MBP: variants seen among roughly 807,000 people sequenced by gnomAD.
MBP encodes Golli-MBP.
Under a neutral mutation model 35.8 loss-of-function variants are expected in MBP, and 16 were observed. That is an observed-to-expected ratio of 0.45 (90% CI 0.30 to 0.68). The LOEUF (loss-of-function observed/expected upper bound fraction) is 0.68. MBP is among the 30% of genes least tolerant of loss of function. The probability of loss-of-function intolerance (pLI) is 0.08; values close to 1 mark genes in which losing one functional copy is unlikely to be tolerated. For missense variants in MBP, 380 were observed against 404.7 expected (o/e 0.94, Z 0.52); for synonymous variants, 143 against 159.6 (o/e 0.90, Z 0.78).
intron 3 of MBP, among the ~76,000 whole-genome samples, chr18:77,041,765 CTGGGACCTGTTG>C (rs1973006162): frequency 8.5e-6 from 1 of 118,042 alleles, no homozygotes; most frequent in Admixed American, 1.3e-4. Flanking sequence ...ACATCACACA[CTGGGACCTGTTG>C]TGGGGTGGGG....
intron 2 of MBP, among the ~76,000 whole-genome samples, chr18:77,082,843 TG>T (rs1975021133): frequency 6.6e-6 from 1 of 152,252 alleles, no homozygotes; most frequent in East Asian, 1.9e-4. Flanking sequence ...CTGTCATAGG[TG>T]GTCTAGGGAA....
At chr18:76,990,940 G>T in intron 4 of MBP, 1 of 281,766 alleles carries the variant, frequency 3.5e-6, no homozygotes, top group Non-Finnish European at 7.3e-6. Flanking sequence ...CAAATAGAGG[G>T]GAAGTGACGG....
chr18:77,015,740 T>C lies in MBP; in HGVS notation c.576+1092A>G, dbSNP rs867433691. The stretch of plus-strand genomic sequence containing the variant: ...CAACAATTTCATGATCAATAAAGAA[T>C]TGCAGTTGGAGACTAAAGCAAATTC... On this transcript the variant is annotated intron_variant, in intron 4 of 8. Coordinates refer to ENST00000355994, the MANE Select transcript of MBP (RefSeq NM_001025101.2). The C allele has an allele frequency of 6.3e-5, 62 of 985,320 alleles. 1 individual carries two copies. Among genetic ancestry groups the C allele is most frequent in the Middle Eastern group, 5.2e-4 (1 of 1,936 alleles). The allele number at this position is 985,320 out of a possible 1,614,324, so 61.0% of individuals were successfully genotyped here. A position where few individuals can be genotyped will look rare whatever the true frequency, so the allele number is the denominator to read the frequency against.
intron 1 of MBP, among the ~76,000 whole-genome samples, chr18:77,123,290 G>A (rs1976945310): frequency 6.6e-6 from 1 of 152,138 alleles, no homozygotes; most frequent in South Asian, 2.1e-4. Context: ...GAAGACTCAC[G>A]CAGGACATAA....
rs547648271 is a variant in MBP at position 77,007,807 on chromosome 18, C to T, written c.576+9025G>A. Among the ~76,000 whole-genome samples the T allele has an allele frequency of 9.3e-4, 142 of 152,292 alleles. 2 individuals carry two copies. Among genetic ancestry groups the T allele is most frequent in the African/African-American group, 3.0e-3 (124 of 41,550 alleles). On this transcript the variant is annotated intron_variant, in intron 4 of 8. Transcript: ENST00000355994. ...CTGGAGTGTGAGCCTCAGGCAGCCACGTGGACAAAGCGTTGTGTAGAGGAT... is the reference window on the plus strand; with the variant it reads ...CTGGAGTGTGAGCCTCAGGCAGCCATGTGGACAAAGCGTTGTGTAGAGGAT...
At chr18:77,056,307 T>G (rs1395810032) in intron 3 of MBP, among the ~76,000 whole-genome samples, 1 of 152,250 alleles carries the variant, frequency 6.6e-6, no homozygotes, top group African/African-American at 2.4e-5. Context: ...GTCCGGGGGA[T>G]TAAACCTTGA....
At chr18:77,094,422 G>A (rs528446431) in intron 2 of MBP, among the ~76,000 whole-genome samples, 3 of 152,312 alleles carry the variant, frequency 2.0e-5, no homozygotes, top group South Asian at 4.1e-4. Flanking sequence ...ACAAGGTTCC[G>A]TTGCTCATAA....
At chr18:77,072,571 T>G (rs529175010) in intron 2 of MBP, among the ~76,000 whole-genome samples, 1 of 152,362 alleles carries the variant, frequency 6.6e-6, no homozygotes, top group South Asian at 2.1e-4. Context: ...GAGCATTCAA[T>G]AAGTGGAAAC....
chr18:77,123,426 A>G (rs1247992397), intron 1 of MBP, among the ~76,000 whole-genome samples: 2 of 152,256 alleles, frequency 1.3e-5, no homozygotes, highest in African/African-American at 4.8e-5. Flanking sequence ...AGTGAAACAG[A>G]AAGGACTTCC....
chr18:77,022,413 T>C (rs1359044325), intron 3 of MBP, among the ~76,000 whole-genome samples: 3 of 152,226 alleles, frequency 2.0e-5, no homozygotes, highest in Non-Finnish European at 4.4e-5. Flanking sequence ...CGTTCTTCCA[T>C]GACCACTGGT....
chr18:77,049,799 C>T (rs1973409172), intron 3 of MBP, among the ~76,000 whole-genome samples: 1 of 152,180 alleles, frequency 6.6e-6, no homozygotes. Context: ...CCTGCCTCAG[C>T]TTCCCGAGTA....
upstream of MBP, among the ~76,000 whole-genome samples, chr18:77,133,319 TCTGGGAG>T (rs751200850): frequency 1.8e-4 from 27 of 152,062 alleles, no homozygotes; most frequent in Admixed American, 5.2e-4. Context: ...CAGGTGCTCC[TCTGGGAG>T]CTGGGAGCTG....
At chr18:77,035,468 C>T (rs8092433) in intron 3 of MBP, among the ~76,000 whole-genome samples, 54,208 of 152,122 alleles carry the variant, frequency 0.36, 11,720 homozygotes, top group Non-Finnish European at 0.48. Flanking sequence ...GTCAAAGATG[C>T]GAACCATCTG....
rs1454687021 is a variant in MBP at position 76,979,999 on chromosome 18, C to T, written c.*428G>A. ...AGGAAGCTTGGATGTCAACAGTCCT[C>T]TCTGCCGCCCACGTCCTCTCTGTCT... is the stretch of plus-strand genomic sequence containing the variant. On this transcript the variant is annotated 3_prime_UTR_variant, in exon 9 of 9. Transcript: ENST00000355994. The T allele has an allele frequency of 2.8e-6, 2 of 702,634 alleles. No individual in the cohort carries two copies. Among genetic ancestry groups the T allele is most frequent in the Non-Finnish European group, 2.6e-6 (1 of 385,012 alleles). The allele number at this position is 702,634 out of a possible 1,614,324, so 43.5% of individuals were successfully genotyped here. A position where few individuals can be genotyped will look rare whatever the true frequency, so the allele number is the denominator to read the frequency against.
chr18:77,107,014 G>A (rs914781958), intron 1 of MBP, among the ~76,000 whole-genome samples: 1 of 152,166 alleles, frequency 6.6e-6, no homozygotes, highest in Non-Finnish European at 1.5e-5. Flanking sequence ...TGTTCCTTGT[G>A]AGGTGTCGTT....
intron 1 of MBP, among the ~76,000 whole-genome samples, chr18:77,112,129 C>G (rs1976477704): frequency 6.6e-6 from 1 of 151,404 alleles, no homozygotes; most frequent in South Asian, 2.1e-4. Flanking sequence ...ACACAGCTAC[C>G]AACGTCACCA....
At chr18:77,022,555 G>T (rs891672169) in intron 3 of MBP, among the ~76,000 whole-genome samples, 6 of 152,118 alleles carry the variant, frequency 3.9e-5, no homozygotes, top group Non-Finnish European at 7.4e-5. Flanking sequence ...AGGGTGCAAT[G>T]CTTATTTATA....
intron 3 of MBP, among the ~76,000 whole-genome samples, chr18:77,039,938 GCTCTACAGCATGA>G (rs1972919769): frequency 6.6e-6 from 1 of 152,180 alleles, no homozygotes; most frequent in Non-Finnish European, 1.5e-5. Flanking sequence ...GGTGCGGCCG[GCTCTACAGCATGA>G]CTCTACAGCA....
chr18:77,031,541 C>T lies in MBP; in HGVS notation c.140-14273G>A, dbSNP rs78589761. 5.2e-3 allele frequency among the ~76,000 whole-genome samples: 793 copies of T among 152,338 alleles called. 10 individuals are homozygous for T. The highest frequency in any genetic ancestry group is 0.046 in the East Asian group (240 of 5,186). ...GTTCTCATTTTTGTGGATGTTTTGA[C>T]GCAAGTAATTCACTATCTGGACACA... is the stretch of plus-strand genomic sequence containing the variant. On this transcript the variant is annotated intron_variant, in intron 3 of 8. Transcript: ENST00000355994.
Sources: allele counts gnomAD v4.1 joint callset (sites outside exome capture counted in the v4.1 genomes callset), GRCh38; gene constraint gnomAD v4.1.1; transcripts MANE v1.5; gene names NCBI Gene and HGNC (gene_info 2026-07-23, HGNC 2026-07-21).